Variants in CNOT1 observed in about 807,000 individuals in gnomAD.
CNOT1 encodes the protein CCR4-associated factor 1.
CNOT1 carries 15 observed loss-of-function variants against 273.8 expected under a neutral mutation model. That is an observed-to-expected ratio of 0.05 (90% CI 0.04 to 0.08). CNOT1 has a LOEUF of 0.08. CNOT1 is among the 10% of genes least tolerant of loss of function. The probability of loss-of-function intolerance (pLI) is 1.00; values close to 1 mark genes in which losing one functional copy is unlikely to be tolerated. For synonymous variants in CNOT1, 1,022 were observed against 1,005.5 expected (o/e 1.02, Z -0.31); for missense variants, 1,644 against 2,912.2 (o/e 0.56, Z 10.02).
rs551878776 is a variant in CNOT1, at chr16:58,547,067, G to A, written c.3750+119C>T. On this transcript the variant is annotated intron_variant, in intron 27 of 48. Transcript: ENST00000317147. The surrounding 1 kb of genome is among the most constrained non-coding windows in gnomAD (Gnocchi z 4.0). ...AAATTGGAAATCCAAGTGCCATAGA[G>A]GAAAACAGACTTAACTAGCTTTACC... is the stretch of plus-strand genomic sequence containing the variant. The A allele has an allele frequency of 7.3e-7, 1 of 1,365,764 alleles. No individual in the cohort carries two copies. Among genetic ancestry groups the A allele is most frequent in the Non-Finnish European group, 9.8e-7 (1 of 1,023,252 alleles). The allele number at this position is 1,365,764 out of a possible 1,614,324, so 84.6% of individuals were successfully genotyped here.
chr16:58,555,551 AC>A lies in CNOT1; in HGVS notation c.2605-15del. On this transcript the variant is annotated splice_polypyrimidine_tract_variant and intron_variant, in intron 20 of 48. Coordinates refer to ENST00000317147, the MANE Select transcript of CNOT1 (RefSeq NM_016284.5). ...CATTTCTAATACCTGGAAAAGCAAG[AC>A]AAAAACAACGCACACATAAAGGAAA... 1 of 1,608,306 alleles carries A rather than the reference AC, an allele frequency of 6.2e-7. No individual in the cohort carries two copies. The highest frequency in any genetic ancestry group is 1.1e-5 in the South Asian group (1 of 90,086).
intron 1 of CNOT1, among the ~76,000 whole-genome samples, chr16:58,601,678 T>C (rs974481879): frequency 2.8e-5 from 4 of 144,856 alleles, no homozygotes; most frequent in Non-Finnish European, 4.5e-5. Flanking sequence ...AAAGGATACA[T>C]AGTTTTATGT....
chr16:58,546,876 T>A, intron 27 of CNOT1, 127 bp from the exon 28 acceptor site: 1 of 1,236,884 alleles, frequency 8.1e-7, no homozygotes, highest in Non-Finnish European at 1.1e-6. Context: ...AAACAAGGAT[T>A]AAAAAATAAC....
At chr16:58,537,854 C>G in intron 38 of CNOT1, 37 bp downstream of exon 38, 1 of 1,610,146 alleles carries the variant, frequency 6.2e-7, no homozygotes, top group Non-Finnish European at 8.5e-7. Flanking sequence ...TAGAAGACTA[C>G]TAAATGCACA....
At chr16:58,622,364 T>C (rs1392412048) in intron 1 of CNOT1, among the ~76,000 whole-genome samples, 7 of 71,316 alleles carry the variant, frequency 9.8e-5, no homozygotes, top group Non-Finnish European at 1.6e-4. Flanking sequence ...GCGTGGACAA[T>C]GGGCAAGGCA....
rs186003234 is a variant in CNOT1 at position 58,545,628 on chromosome 16, C to G, written c.4007-137G>C. 1.8e-3 allele frequency: 2,564 copies of G among 1,428,908 alleles called. 2 individuals are homozygous for G. The highest frequency in any genetic ancestry group is 2.3e-3 in the Non-Finnish European group (2,428 of 1,078,330). The allele number at this position is 1,428,908 out of a possible 1,614,324, so 88.5% of individuals were successfully genotyped here. A position where few individuals can be genotyped will look rare whatever the true frequency, so the allele number is the denominator to read the frequency against. ...AGAGGAGGGAAGGATGTAGCAGGTC[C>G]TATTTTTCCCACCCTGAAAGGGAAA... is the stretch of plus-strand genomic sequence containing the variant. On this transcript the variant is annotated intron_variant, in intron 29 of 48. Coordinates refer to ENST00000317147, the MANE Select transcript of CNOT1 (RefSeq NM_016284.5).
chr16:58,546,342 GTTC>G lies in CNOT1; in HGVS notation c.3982_3984del (p.Glu1328del), dbSNP rs1217383702. 6.2e-7 allele frequency: 1 copy of G among 1,613,644 alleles called. No homozygotes were observed. The highest frequency in any genetic ancestry group is 1.7e-5 in the Admixed American group (1 of 59,950). On this transcript the variant is annotated inframe_deletion, in exon 29 of 49. Transcript: ENST00000317147. ...TTACTTGTGGTTGTGATGGGAGGGAGTTCTTCTGGCTGCTTGACATCTTTCTTT... is the reference window on the plus strand; with the variant it reads ...TTACTTGTGGTTGTGATGGGAGGGAGTTCTGGCTGCTTGACATCTTTCTTT...
At chr16:58,526,278 A>C (rs959769366) in intron 44 of CNOT1, 140 bp from the exon 45 acceptor site, 3 of 763,974 alleles carry the variant, frequency 3.9e-6, no homozygotes, top group Non-Finnish European at 6.1e-6. Flanking sequence ...ACATTTTATT[A>C]ATCAGTCTTT....
At chr16:58,623,727 G>C (rs1436100085) in intron 1 of CNOT1, among the ~76,000 whole-genome samples, 1 of 152,106 alleles carries the variant, frequency 6.6e-6, no homozygotes, top group Non-Finnish European at 1.5e-5. Context: ...GCTCATGCCT[G>C]TCTGTAATCC....
chr16:58,576,485 A>G lies in CNOT1; in HGVS notation c.1682T>C (p.Leu561Pro). ...QYDQAKLSRI[L>P]DVAQDLKALS... ...CACCTTCAAGTCCTGGGCCACATCAAGTATTCGAGACAATTTGGCCTGATC... is the reference window on the plus strand; with the variant it reads ...CACCTTCAAGTCCTGGGCCACATCAGGTATTCGAGACAATTTGGCCTGATC... Residue 561 changes from leucine (L) to proline (P), a missense_variant, in exon 14 of 49, where the codon CTT becomes CCT. Leu to Pro is a moderately conservative substitution (Grantham distance 98, BLOSUM62 -3). Transcript: ENST00000317147. The G allele has an allele frequency of 6.2e-7, 1 of 1,614,144 alleles. No individual in the cohort carries two copies.
At chr16:58,607,029 G>C (rs1320710985) in intron 1 of CNOT1, among the ~76,000 whole-genome samples, 1 of 152,096 alleles carries the variant, frequency 6.6e-6, no homozygotes, top group Non-Finnish European at 1.5e-5. Context: ...ACCAAGAGTA[G>C]CTGTGGTATA....
rs66711143 is a variant in CNOT1 at position 58,601,734 on chromosome 16, T to TAAAAAAAAAAAAAA, written c.-174-2237_-174-2224dup. ...ATATGCTAGTGCTCCATACCCACCT[T>TAAAAAAAAAAAAAA]AAAAAAAAAAAAAAAAAAAAGCCTG... On this transcript the variant is annotated intron_variant, in intron 1 of 48. Coordinates refer to ENST00000317147, the MANE Select transcript of CNOT1 (RefSeq NM_016284.5). Among the ~76,000 whole-genome samples the TAAAAAAAAAAAAAA allele has an allele frequency of 2.3e-3, 206 of 91,486 alleles. 31 individuals are homozygous for TAAAAAAAAAAAAAA. The highest frequency in any genetic ancestry group is 2.8e-3 in the Admixed American group (22 of 7,736). The allele number at this position is 91,486 out of a possible 152,430, so 60.0% of individuals were successfully genotyped here.
In CNOT1 at chr16:58,614,540, T is replaced by A. The variant is rs552500351; in HGVS notation, c.-174-15029A>T. On this transcript the variant is annotated intron_variant, in intron 1 of 48. Transcript: ENST00000317147. ...AAAAGCTTCCCTGCTAGGCAACATTTCACATACACGTGCTGTCGCAACTCC... is the reference window on the plus strand; with the variant it reads ...AAAAGCTTCCCTGCTAGGCAACATTACACATACACGTGCTGTCGCAACTCC... Among the ~76,000 whole-genome samples, 359 of 124,422 alleles carry A rather than the reference T, an allele frequency of 2.9e-3. 69 individuals are homozygous for A. The highest frequency in any genetic ancestry group is 9.3e-3 in the African/African-American group (342 of 36,882). 81.6% of individuals were successfully genotyped at this position (124,422 alleles called of 152,430 possible).
intron 40 of CNOT1, 141 bp from the exon 41 acceptor site, chr16:58,532,536 T>C: frequency 2.2e-6 from 3 of 1,390,218 alleles, no homozygotes; most frequent in Non-Finnish European, 2.8e-6. Context: ...AATTACATGC[T>C]GGCAGCCGAT....
chr16:58,565,492 A>C (rs1331684582), intron 16 of CNOT1, among the ~76,000 whole-genome samples: 1 of 152,188 alleles, frequency 6.6e-6, no homozygotes, highest in Non-Finnish European at 1.5e-5. Context: ...CTTAACAATG[A>C]TAAAATAAAT....
intron 1 of CNOT1, among the ~76,000 whole-genome samples, chr16:58,604,868 G>A (rs2042616168): frequency 6.7e-6 from 1 of 149,452 alleles, no homozygotes. Context: ...CGGGTGTGGT[G>A]GCTCATGCCT....
In CNOT1 at chr16:58,583,281, T is replaced by TAC. The variant is rs2041714243; in HGVS notation, c.807-101_807-100dup. The TAC allele has an allele frequency of 2.6e-6, 4 of 1,538,700 alleles. No individual in the cohort carries two copies. The Admixed American group carries it at 8.2e-5, about 31-fold the overall frequency. ...GAACCTTGTTTGAAAGCCTTAGTTT[T>TAC]ACTAAATAAAACAGGCAGAGCAGTA... On this transcript the variant is annotated intron_variant, in intron 8 of 48. Coordinates refer to ENST00000317147, the MANE Select transcript of CNOT1 (RefSeq NM_016284.5).
At chr16:58,581,232 A>C in intron 11 of CNOT1, 113 bp downstream of exon 11, 2 of 1,251,876 alleles carry the variant, frequency 1.6e-6, no homozygotes, top group Non-Finnish European at 2.2e-6. Context: ...TTTCTGTGCT[A>C]TGTATAACAA....
chr16:58,593,015 T>C (rs1597541917), intron 2 of CNOT1, among the ~76,000 whole-genome samples: 1 of 152,234 alleles, frequency 6.6e-6, no homozygotes, highest in East Asian at 1.9e-4. Context: ...ATGCCCAAGA[T>C]TGTTGATGTG....
Sources: gnomAD v4.1 joint callset for allele counts (sites outside exome capture counted in the v4.1 genomes callset) on GRCh38, gnomAD v4.1.1 for gene constraint, Gnocchi (gnomAD v3.1) non-coding constraint, MANE v1.5 for transcripts, NCBI Gene and HGNC (gene_info 2026-07-23, HGNC 2026-07-21) for gene names.